The following ZSWIM5 variants were observed in gnomAD, a reference collection of about 807,000 sequenced individuals.
The protein encoded by ZSWIM5 is zinc finger SWIM domain-containing protein 5.
Under a neutral mutation model 119.6 loss-of-function variants are expected in ZSWIM5, and 55 were observed. That is an observed-to-expected ratio of 0.46 (90% CI 0.37 to 0.58). ZSWIM5 has a LOEUF of 0.58. ZSWIM5 is among the 20% of genes least tolerant of loss of function. The probability of loss-of-function intolerance (pLI) is 0.00; values close to 1 mark genes in which losing one functional copy is unlikely to be tolerated. For synonymous variants in ZSWIM5, 537 were observed against 606.9 expected, an observed-to-expected ratio of 0.88 and a Z score of 1.69; for missense variants, 1,193 against 1,512.8, an observed-to-expected ratio of 0.79 and a Z score of 3.51.
chr1:45,068,662 C>G (rs1645200865), intron 2 of ZSWIM5, among the ~76,000 whole-genome samples: 1 of 152,052 alleles, frequency 6.6e-6, no homozygotes, highest in Non-Finnish European at 1.5e-5. Flanking sequence ...TGAATGGTAT[C>G]AGGTAGAAAT....
chr1:45,112,956 C>A (rs1439787833), intron 1 of ZSWIM5, among the ~76,000 whole-genome samples: 6 of 152,308 alleles, frequency 3.9e-5, no homozygotes, highest in Admixed American at 2.0e-4. Flanking sequence ...TTTGAGTAGA[C>A]TGATGTCAAG....
intron 1 of ZSWIM5, among the ~76,000 whole-genome samples, chr1:45,153,093 T>TAAAAAAAAAAAAAA (rs76324771): frequency 1.9e-5 from 2 of 105,864 alleles, no homozygotes. Context: ...ATTAAAAAGT[T>TAAAAAAAAAAAAAA]AAAAAAAAAA....
chr1:45,187,397 T>TA (rs1043643951), intron 1 of ZSWIM5, among the ~76,000 whole-genome samples: 113 of 151,890 alleles, frequency 7.4e-4, no homozygotes, highest in African/African-American at 2.6e-3. Flanking sequence ...ATATCCATAT[T>TA]AAAAAAAAGT....
intron 1 of ZSWIM5, among the ~76,000 whole-genome samples, chr1:45,133,574 G>A (rs1042824452): frequency 6.6e-6 from 1 of 152,178 alleles, no homozygotes; most frequent in Non-Finnish European, 1.5e-5. Flanking sequence ...TGTTCACTCT[G>A]ATGGTAGTTT....
At position 45,205,656 on chromosome 1, in the gene ZSWIM5, T is replaced by C. The variant is rs150563926; in HGVS notation, c.595+100A>G. The stretch of plus-strand genomic sequence containing the variant: ...CGTCCTTCGGCAGGGGTACAGGAGT[T>C]GGGCAGAAGGCCGGGGTCTCGGCCC... On this transcript the variant is annotated intron_variant, in intron 1 of 13. Coordinates refer to ENST00000359600, the MANE Select transcript of ZSWIM5 (RefSeq NM_020883.2). 5.0e-5 allele frequency: 64 copies of C among 1,273,064 alleles called. 1 individual carries two copies. The African/African-American group carries it at 6.4e-4, about 13-fold the overall frequency. 78.9% of individuals were successfully genotyped at this position (1,273,064 alleles called of 1,614,324 possible). A position where few individuals can be genotyped will look rare whatever the true frequency, so the allele number is the denominator to read the frequency against.
Position 45,112,160 on chromosome 1 carries a change from C to T in ZSWIM5, c.596-23923G>A, listed in dbSNP as rs1645522599. 2.0e-5 allele frequency among the ~76,000 whole-genome samples: 3 copies of T among 152,156 alleles called. No individual in the cohort carries two copies. In the South Asian group the frequency reaches 6.2e-4, roughly 32 times the overall value. On this transcript the variant is annotated intron_variant, in intron 1 of 13. Coordinates refer to ENST00000359600, the MANE Select transcript of ZSWIM5 (RefSeq NM_020883.2). ...ATCACCCCCAAATCTATCTTCATGG[C>T]CCTGGCTCCCTGTTCCCCATTCCAG...
chr1:45,132,629 ATACTT>A (rs1645664869), intron 1 of ZSWIM5, among the ~76,000 whole-genome samples: 1 of 151,928 alleles, frequency 6.6e-6, no homozygotes, highest in Admixed American at 6.6e-5. Flanking sequence ...TTTTTTTATT[ATACTT>A]TAAGTTCTAG....
At chr1:45,183,523 G>T (rs1488179393) in intron 1 of ZSWIM5, among the ~76,000 whole-genome samples, 1 of 152,272 alleles carries the variant, frequency 6.6e-6, no homozygotes, top group East Asian at 1.9e-4. Context: ...AAGAAAAAAA[G>T]AGAGAAGAAT....
chr1:45,030,605 C>T (rs1390018578), intron 11 of ZSWIM5, among the ~76,000 whole-genome samples: 1 of 152,098 alleles, frequency 6.6e-6, no homozygotes, highest in Admixed American at 6.6e-5. Context: ...GGAGTTAGTC[C>T]ATTTCATCTG....
intron 1 of ZSWIM5, among the ~76,000 whole-genome samples, chr1:45,147,313 C>A (rs1034858150): frequency 2.6e-5 from 4 of 151,918 alleles, no homozygotes; most frequent in Non-Finnish European, 4.4e-5. Context: ...AATTCTAAAT[C>A]AAAACATGGC....
chr1:45,116,754 T>A (rs909563211), intron 1 of ZSWIM5, among the ~76,000 whole-genome samples: 2 of 152,152 alleles, frequency 1.3e-5, no homozygotes, highest in Non-Finnish European at 1.5e-5. Flanking sequence ...TGTTTTTTTT[T>A]AAAGGATGAT....
At chr1:45,146,618 T>C (rs185477860) in intron 1 of ZSWIM5, among the ~76,000 whole-genome samples, 152 of 151,950 alleles carry the variant, frequency 1.0e-3, no homozygotes, top group African/African-American at 3.1e-3. Context: ...TTTTGTATTT[T>C]TAGTAGAGAC....
rs1447032433 is a variant in ZSWIM5 at position 45,018,735 on chromosome 1, C to T, written c.3277G>A (p.Gly1093Ser). 1 of 1,614,124 alleles carries T rather than the reference C, an allele frequency of 6.2e-7. No homozygotes were observed. Among genetic ancestry groups the T allele is most frequent in the African/African-American group, 1.3e-5 (1 of 74,938 alleles). ...VTAPGLAGIP[G>S]RRSSGKLMST... ...ATGAGCTTTCCAGAGCTTCGGCGGC[C>T]TGGGATGCCGGCCAGGCCAGGTGCA... The change falls in exon 14 of 14, where the codon GGC (glycine) becomes AGC (serine). Residue 1093 changes from glycine (G) to serine (S), a missense_variant. Transcript: ENST00000359600. This position sits in a 1 kb window ranked among gnomAD's most constrained non-coding sequence, Gnocchi z 6.7.
intron 5 of ZSWIM5, among the ~76,000 whole-genome samples, chr1:45,047,494 T>G (rs1479278637): frequency 6.6e-6 from 1 of 151,544 alleles, no homozygotes; most frequent in African/African-American, 2.4e-5. Flanking sequence ...GTCATGAGAG[T>G]GTTTTTTGTT....
At chr1:45,027,500 G>C (rs1294293508) in intron 11 of ZSWIM5, among the ~76,000 whole-genome samples, 3 of 151,906 alleles carry the variant, frequency 2.0e-5, no homozygotes, top group East Asian at 1.9e-4. Flanking sequence ...TGGTTCAAGT[G>C]ATTCTTCTGC....
At chr1:45,084,270 G>A (rs974294224) in intron 2 of ZSWIM5, among the ~76,000 whole-genome samples, 1 of 151,964 alleles carries the variant, frequency 6.6e-6, no homozygotes, top group Non-Finnish European at 1.5e-5. Context: ...GAACAGCAAG[G>A]GATAAATCCA....
intron 1 of ZSWIM5, among the ~76,000 whole-genome samples, chr1:45,164,281 G>A (rs1038393991): frequency 1.2e-4 from 18 of 152,226 alleles, no homozygotes; most frequent in African/African-American, 4.3e-4. Flanking sequence ...GAGAGATTTT[G>A]TCACCACCAG....
At chr1:45,068,505 A>T in intron 2 of ZSWIM5, among the ~76,000 whole-genome samples, 1 of 151,750 alleles carries the variant, frequency 6.6e-6, no homozygotes, top group African/African-American at 2.4e-5. Context: ...TCAAAAAAAA[A>T]AAATTAATGT....
intron 1 of ZSWIM5, among the ~76,000 whole-genome samples, chr1:45,103,098 T>A (rs985237349): frequency 5.3e-5 from 8 of 152,108 alleles, no homozygotes; most frequent in African/African-American, 1.9e-4. Flanking sequence ...AAACTCCTGG[T>A]CTCAACTGAT....
Sources: gnomAD v4.1 joint callset for allele counts (sites outside exome capture counted in the v4.1 genomes callset) on GRCh38, gnomAD v4.1.1 for gene constraint, Gnocchi (gnomAD v3.1) non-coding constraint, MANE v1.5 for transcripts, NCBI Gene and HGNC (gene_info 2026-07-23, HGNC 2026-07-21) for gene names.